The following RNFT2 variants were observed in gnomAD, a reference collection of about 807,000 sequenced individuals.
RNFT2 encodes the protein E3 ubiquitin-protein ligase RNFT2.
In RNFT2, 36 loss-of-function variants were observed where a neutral mutation model predicts 53.0. The observed-to-expected ratio is 0.68, with a 90% confidence interval of 0.52 to 0.90. The LOEUF (loss-of-function observed/expected upper bound fraction) is 0.90, where lower values mean the gene tolerates loss of function less well. RNFT2 is among the 40% of genes least tolerant of loss of function. RNFT2 has a pLI of 0.00. For missense variants in RNFT2, 514 were observed against 585.6 expected, an observed-to-expected ratio of 0.88 and a Z score of 1.26; for synonymous variants, 260 against 253.2, an observed-to-expected ratio of 1.03 and a Z score of -0.26.
intron 7 of RNFT2, among the ~76,000 whole-genome samples, chr12:116,805,969 G>C (rs1875026714): frequency 6.6e-6 from 1 of 152,220 alleles, no homozygotes; most frequent in South Asian, 2.1e-4. Context: ...GTGTTTGATT[G>C]CATAACTAAA....
chr12:116,822,472 C>G (rs1876093418), intron 7 of RNFT2, among the ~76,000 whole-genome samples: 1 of 152,058 alleles, frequency 6.6e-6, no homozygotes. Flanking sequence ...GGCAGGTTAT[C>G]TAACTTTTCT....
intron 7 of RNFT2, among the ~76,000 whole-genome samples, chr12:116,809,964 C>T (rs995087315): frequency 3.3e-5 from 5 of 152,118 alleles, no homozygotes; most frequent in African/African-American, 4.8e-5. Flanking sequence ...CGTGAGCCAC[C>T]GTGCCTAGGC....
intron 3 of RNFT2, 62 bp from the exon 4 acceptor site, chr12:116,749,779 T>C: frequency 7.0e-7 from 1 of 1,434,114 alleles, no homozygotes; most frequent in Non-Finnish European, 9.6e-7. Flanking sequence ...CCCATCCTCC[T>C]CTGGAGTAAG....
chr12:116,841,834 AAT>A (rs1235996836), intron 10 of RNFT2, among the ~76,000 whole-genome samples: 4 of 30,128 alleles, frequency 1.3e-4, no homozygotes, highest in African/African-American at 5.9e-4. Context: ...TATATATATA[AAT>A]ATATATATAA....
intron 4 of RNFT2, among the ~76,000 whole-genome samples, chr12:116,753,060 C>T (rs985046105): frequency 3.3e-5 from 5 of 151,190 alleles, no homozygotes; most frequent in Non-Finnish European, 7.4e-5. Flanking sequence ...TCATGTTTGT[C>T]TGTTAGCTGG....
chr12:116,757,639 T>G (rs1592941450), intron 5 of RNFT2, among the ~76,000 whole-genome samples: 1 of 152,198 alleles, frequency 6.6e-6, no homozygotes, highest in Non-Finnish European at 1.5e-5. Context: ...TTTTGAAGGT[T>G]CCTTTGGGAG....
chr12:116,840,664 A>G (rs571894879), intron 10 of RNFT2, among the ~76,000 whole-genome samples: 1 of 152,176 alleles, frequency 6.6e-6, no homozygotes, highest in African/African-American at 2.4e-5. Context: ...TATCCTAGGC[A>G]CTAACTCTGT....
chr12:116,776,577 G>A (rs1033418584), intron 6 of RNFT2, among the ~76,000 whole-genome samples: 12 of 152,272 alleles, frequency 7.9e-5, no homozygotes, highest in Non-Finnish European at 1.6e-4. Flanking sequence ...TGAGTGACTT[G>A]TCAGTAATTT....
chr12:116,751,465 G>A (rs773302760), intron 4 of RNFT2, among the ~76,000 whole-genome samples: 9 of 151,060 alleles, frequency 6.0e-5, no homozygotes, highest in Admixed American at 1.3e-4. Flanking sequence ...GTGCAATGGC[G>A]CGACCTCTGC....
At chr12:116,833,739 G>A in intron 7 of RNFT2, 53 bp from the exon 8 acceptor site, 2 of 1,603,030 alleles carry the variant, frequency 1.2e-6, no homozygotes, top group Non-Finnish European at 1.7e-6. Flanking sequence ...CCCCAGCTGG[G>A]TCCTTTGGGT....
chr12:116,777,369 A>G (rs114455559), intron 6 of RNFT2, among the ~76,000 whole-genome samples: 2,338 of 152,128 alleles, frequency 0.015, 73 homozygotes, highest in African/African-American at 0.053. Context: ...CTCTTGGGGG[A>G]TGTTGGAGAG....
At chr12:116,792,774 C>A (rs968466662) in intron 7 of RNFT2, among the ~76,000 whole-genome samples, 1 of 152,018 alleles carries the variant, frequency 6.6e-6, no homozygotes, top group Non-Finnish European at 1.5e-5. Context: ...TCATCTGCAG[C>A]GGGGGGAAGA....
At chr12:116,779,641 G>GA (rs1181300695) in intron 7 of RNFT2, among the ~76,000 whole-genome samples, 4 of 151,738 alleles carry the variant, frequency 2.6e-5, no homozygotes, top group South Asian at 2.1e-4. Flanking sequence ...CCTGAGAGAG[G>GA]AAAAAAAAGC....
intron 6 of RNFT2, 138 bp downstream of exon 6, chr12:116,767,052 C>T (rs1353457145): frequency 1.7e-5 from 10 of 604,516 alleles, no homozygotes; most frequent in East Asian, 2.8e-5. Context: ...GCTGTTACTA[C>T]TTATATATAT....
In RNFT2 at chr12:116,820,446, T is replaced by C. The variant is rs146016192; in HGVS notation, c.883-13346T>C. On this transcript the variant is annotated intron_variant, in intron 7 of 10. Coordinates refer to ENST00000257575, the MANE Select transcript of RNFT2 (RefSeq NM_001382266.1). Reference sequence around the variant, plus strand: ...GAATAGCCACATTTCAAGTGCTCCATAGCGACATGTGACCAGTGGTTACTG... The same window carrying C: ...GAATAGCCACATTTCAAGTGCTCCACAGCGACATGTGACCAGTGGTTACTG... 6.6e-3 allele frequency among the ~76,000 whole-genome samples: 1,008 copies of C among 152,314 alleles called. 7 individuals are homozygous for C. Among genetic ancestry groups the C allele is most frequent in the African/African-American group, 5.9e-3 (245 of 41,560 alleles).
At chr12:116,769,521 A>C (rs1479282119) in intron 6 of RNFT2, among the ~76,000 whole-genome samples, 1 of 152,222 alleles carries the variant, frequency 6.6e-6, no homozygotes, top group Non-Finnish European at 1.5e-5. Context: ...GGTGAGGCTA[A>C]GGTGTACGTT....
At chr12:116,754,933 G>A (rs577513476) in intron 5 of RNFT2, among the ~76,000 whole-genome samples, 28 of 152,224 alleles carry the variant, frequency 1.8e-4, no homozygotes, top group Admixed American at 1.8e-3. Context: ...CCACTCTGTG[G>A]GTTGTCTGTT....
intron 7 of RNFT2, among the ~76,000 whole-genome samples, chr12:116,806,391 T>TAGAG (rs745935581): frequency 7.3e-6 from 1 of 137,190 alleles, no homozygotes; most frequent in Admixed American, 7.1e-5. Context: ...AATATATATA[T>TAGAG]ATATATATAG....
intron 7 of RNFT2, among the ~76,000 whole-genome samples, chr12:116,806,381 A>AAAAAT (rs1465646224): frequency 7.5e-5 from 10 of 133,476 alleles, no homozygotes; most frequent in Admixed American, 2.2e-4. Context: ...AAAAAAAAAA[A>AAAAAT]ATATATATAT....
Sources: gnomAD v4.1 joint callset for allele counts (sites outside exome capture counted in the v4.1 genomes callset) on GRCh38, gnomAD v4.1.1 for gene constraint, MANE v1.5 for transcripts, NCBI Gene and HGNC (gene_info 2026-07-23, HGNC 2026-07-21) for gene names.